Variants in HYDIN observed in about 807,000 individuals in gnomAD.
The protein encoded by HYDIN is axonemal central pair apparatus protein HYDIN.
HYDIN carries 132 observed loss-of-function variants against 403.9 expected under a neutral mutation model. The observed-to-expected ratio is 0.33, with a 90% CI of 0.28 to 0.38. The LOEUF (loss-of-function observed/expected upper bound fraction) is 0.38, where lower values mean the gene tolerates loss of function less well. Among genes scored for constraint, HYDIN ranks in the 10% least tolerant of loss-of-function variants. The probability of loss-of-function intolerance (pLI) is 1.00; values close to 1 mark genes in which losing one functional copy is unlikely to be tolerated. For missense variants in HYDIN, 2,827 were observed against 5,009.5 expected (o/e 0.56, Z 13.15); for synonymous variants, 1,202 against 1,891.7 (o/e 0.64, Z 9.46).
chr16:71,130,698 C>T (rs1209763402), intron 8 of HYDIN, among the ~76,000 whole-genome samples: 1 of 151,526 alleles, frequency 6.6e-6, no homozygotes, highest in African/African-American at 2.4e-5. Context: ...CCTTGTTAGC[C>T]AGGATGGTCT....
intron 47 of HYDIN, among the ~76,000 whole-genome samples, chr16:70,917,952 A>AGTC (rs2076891221): frequency 6.6e-6 from 1 of 151,096 alleles, no homozygotes; most frequent in African/African-American, 2.5e-5. Flanking sequence ...TCCAATGGGG[A>AGTC]CTGCAAAGGT....
chr16:70,987,369 T>C (rs1161310083), intron 27 of HYDIN, among the ~76,000 whole-genome samples: 1 of 150,106 alleles, frequency 6.7e-6, no homozygotes, highest in East Asian at 2.0e-4. Flanking sequence ...AAAATGTCGC[T>C]GGACTTACTG....
chr16:71,121,929 A>C (rs893977562), intron 9 of HYDIN, among the ~76,000 whole-genome samples: 3 of 151,812 alleles, frequency 2.0e-5, no homozygotes, highest in East Asian at 1.9e-4. Context: ...GACACATGAC[A>C]TGCAAAGAGA....
At chr16:71,172,321 G>T (rs947790197) in intron 5 of HYDIN, among the ~76,000 whole-genome samples, 1 of 152,172 alleles carries the variant, frequency 6.6e-6, no homozygotes, top group African/African-American at 2.4e-5. Context: ...GTCCAAGGAA[G>T]TACTTTGTTT....
intron 1 of HYDIN, among the ~76,000 whole-genome samples, chr16:71,195,418 A>G (rs1172464939): frequency 1.3e-5 from 2 of 152,184 alleles, no homozygotes; most frequent in African/African-American, 4.8e-5. Flanking sequence ...ATGTTGATAA[A>G]TATTATTTTT....
chr16:71,047,369 A>G (rs1213849026), intron 18 of HYDIN, among the ~76,000 whole-genome samples: 2 of 151,976 alleles, frequency 1.3e-5, no homozygotes, highest in Admixed American at 6.6e-5. Flanking sequence ...TATAATCAAT[A>G]TAAACTGCTG....
At position 70,958,176 on chromosome 16, in the gene HYDIN, T is replaced by G. The variant is rs1288528296; in HGVS notation, c.6142+1471A>C. On this transcript the variant is annotated intron_variant, in intron 39 of 85. Coordinates refer to ENST00000393567, the MANE Select transcript of HYDIN (RefSeq NM_001270974.2). ...TGGGGATAATCCTTAATTATATGGATTATAAACAAAAGAGTCTCTTATTGC... is the reference window on the plus strand; with the variant it reads ...TGGGGATAATCCTTAATTATATGGAGTATAAACAAAAGAGTCTCTTATTGC... Among the ~76,000 whole-genome samples the G allele has an allele frequency of 2.0e-5, 3 of 152,194 alleles. No individual in the cohort carries two copies. The South Asian group carries it at 6.2e-4, about 32-fold the overall frequency.
chr16:71,010,349 G>A (rs567963545), intron 23 of HYDIN, among the ~76,000 whole-genome samples: 1 of 152,196 alleles, frequency 6.6e-6, no homozygotes, highest in Non-Finnish European at 1.5e-5. Flanking sequence ...GTTTATGGAA[G>A]GGACAAAAGC....
Position 70,872,145 on chromosome 16 carries a change from G to A in HYDIN, c.10983C>T (p.Cys3661=), listed in dbSNP as rs2040147982. Residue 3661 remains cysteine (C), a synonymous_variant, in exon 65 of 86, where the codon TGC becomes TGT. Transcript: ENST00000393567. ...TCGCATTATAGCTGTGTCCAATGTGGCAGTCCCCAAATTGGATGTGGTCCA... is the reference window on the plus strand; with the variant it reads ...TCGCATTATAGCTGTGTCCAATGTGACAGTCCCCAAATTGGATGTGGTCCA... ...ALVDHIQFGD[C]HIGHSYNASF... 2.6e-6 allele frequency: 4 copies of A among 1,529,822 alleles called. No homozygotes were observed. 94.8% of individuals were successfully genotyped at this position (1,529,822 alleles called of 1,614,324 possible). A position where few individuals can be genotyped will look rare whatever the true frequency, so the allele number is the denominator to read the frequency against.
At chr16:71,217,725 T>G (rs146672602) in intron 1 of HYDIN, among the ~76,000 whole-genome samples, 65 of 152,246 alleles carry the variant, frequency 4.3e-4, no homozygotes, top group Non-Finnish European at 7.4e-4. Flanking sequence ...CTAAAATCAT[T>G]GAAAGTATAC....
intron 18 of HYDIN, among the ~76,000 whole-genome samples, chr16:71,044,043 T>A (rs1201575944): frequency 6.6e-6 from 1 of 151,864 alleles, no homozygotes; most frequent in African/African-American, 2.4e-5. Flanking sequence ...CCTGCCTCTG[T>A]GTGCTTGGGT....
Position 70,981,898 on chromosome 16 carries a change from G to C in HYDIN, c.4333-330C>G, listed in dbSNP as rs563712831. Among the ~76,000 whole-genome samples the C allele has an allele frequency of 2.0e-5, 3 of 152,176 alleles. No individual in the cohort carries two copies. In the South Asian group the frequency reaches 6.2e-4, roughly 32 times the overall value. On this transcript the variant is annotated intron_variant, in intron 28 of 85. Coordinates refer to ENST00000393567, the MANE Select transcript of HYDIN (RefSeq NM_001270974.2). ...AATCCCAGCACTTTGGGAGGCTGAG[G>C]TGGGTGGATCACGAGGTCAGGAGAT...
intron 18 of HYDIN, among the ~76,000 whole-genome samples, chr16:71,036,409 C>T (rs1390673484): frequency 6.7e-6 from 1 of 149,782 alleles, no homozygotes; most frequent in Non-Finnish European, 1.5e-5. Context: ...GTCATTTTAT[C>T]AAAAAGCAAA....
chr16:71,075,584 C>T (rs1387913915), intron 13 of HYDIN, among the ~76,000 whole-genome samples: 2 of 151,892 alleles, frequency 1.3e-5, no homozygotes, highest in Non-Finnish European at 2.9e-5. Context: ...AATTGACACA[C>T]AGGTTATTCT....
intron 10 of HYDIN, among the ~76,000 whole-genome samples, chr16:71,112,803 C>T (rs537978168): frequency 6.6e-6 from 1 of 152,150 alleles, no homozygotes; most frequent in Non-Finnish European, 1.5e-5. Context: ...GTGGACTAGT[C>T]GGGGATAACC....
chr16:70,898,752 T>C (rs1044221901), intron 53 of HYDIN, among the ~76,000 whole-genome samples: 5 of 151,900 alleles, frequency 3.3e-5, no homozygotes, highest in African/African-American at 1.2e-4. Flanking sequence ...CAAGTATTTT[T>C]TTTTTTTTTG....
At position 71,138,206 on chromosome 16, in the gene HYDIN, A is replaced by G. The variant is rs202055616; in HGVS notation, c.842-854T>C. On this transcript the variant is annotated intron_variant, in intron 7 of 85. Transcript: ENST00000393567. ...ACTCTGACATCATATAGAAAAAATA[A>G]ATATCGAAATACCATGAATGTTTTG... Among the ~76,000 whole-genome samples the G allele has an allele frequency of 2.7e-3, 320 of 118,400 alleles. 1 individual carries two copies. The highest frequency in any genetic ancestry group is 0.012 in the African/African-American group (309 of 25,276). The allele number at this position is 118,400 out of a possible 152,430, so 77.7% of individuals were successfully genotyped here.
intron 13 of HYDIN, 52 bp downstream of exon 13, chr16:71,079,833 T>C: frequency 2.5e-6 from 2 of 813,396 alleles, no homozygotes; most frequent in Non-Finnish European, 4.2e-6. Context: ...TCCTTCCACG[T>C]AGAGAAAAGG....
intron 71 of HYDIN, among the ~76,000 whole-genome samples, chr16:70,859,523 G>C (rs2039270077): frequency 6.6e-6 from 1 of 152,044 alleles, no homozygotes; most frequent in Admixed American, 6.6e-5. Flanking sequence ...TTGTTTCACG[G>C]ATTTATTTCT....
Sources: allele counts gnomAD v4.1 joint callset (sites outside exome capture counted in the v4.1 genomes callset), GRCh38; gene constraint gnomAD v4.1.1; transcripts MANE v1.5; gene names NCBI Gene and HGNC (gene_info 2026-07-23, HGNC 2026-07-21).